The following SPOCK1 variants were observed in gnomAD, a reference collection of about 807,000 sequenced individuals.
SPOCK1 encodes SPARC (osteonectin), cwcv and kazal like domains proteoglycan 1, also known as testican-1.
SPOCK1 carries 23 observed loss-of-function variants against 55.3 expected under a neutral mutation model. The ratio of observed to expected loss-of-function variants is 0.42; its 90% CI spans 0.30 to 0.59. The LOEUF is 0.59. SPOCK1 is among the 20% of genes least tolerant of loss of function. SPOCK1 has a pLI of 0.22. For synonymous variants in SPOCK1, 226 were observed against 221.0 expected (o/e 1.02, Z -0.20); for missense variants, 499 against 552.5 (o/e 0.90, Z 0.97).
intron 6 of SPOCK1, among the ~76,000 whole-genome samples, chr5:137,033,891 C>G (rs1276257071): frequency 3.3e-5 from 5 of 152,232 alleles, no homozygotes; most frequent in Non-Finnish European, 7.3e-5. Context: ...GCATGAGCCA[C>G]TGCTCCCCAC....
chr5:137,487,840 A>C (rs948981969), intron 2 of SPOCK1, among the ~76,000 whole-genome samples: 1 of 152,212 alleles, frequency 6.6e-6, no homozygotes, highest in Non-Finnish European at 1.5e-5. Flanking sequence ...GCTGTTGCTG[A>C]GGCCTATGTT....
At chr5:137,338,166 C>T (rs9327786) in intron 2 of SPOCK1, among the ~76,000 whole-genome samples, 3,820 of 150,494 alleles carry the variant, frequency 0.025, 153 homozygotes, top group African/African-American at 0.088. Flanking sequence ...CTATCCCTTC[C>T]CCCACCCCCA....
chr5:137,433,224 C>A (rs1752786743), intron 2 of SPOCK1, among the ~76,000 whole-genome samples: 1 of 152,170 alleles, frequency 6.6e-6, no homozygotes, highest in Non-Finnish European at 1.5e-5. Context: ...ATTGCTGAAA[C>A]AGAAGGAGTG....
At chr5:137,434,054 A>C (rs1406348609) in intron 2 of SPOCK1, among the ~76,000 whole-genome samples, 2 of 152,232 alleles carry the variant, frequency 1.3e-5, no homozygotes, top group African/African-American at 4.8e-5. Context: ...GAAATCATGA[A>C]GCTTAATTAT....
At chr5:137,295,464 G>T (rs1013610115) in intron 2 of SPOCK1, among the ~76,000 whole-genome samples, 1 of 152,170 alleles carries the variant, frequency 6.6e-6, no homozygotes, top group South Asian at 2.1e-4. Flanking sequence ...CTGTTGGATC[G>T]AAGAGCTCAC....
intron 2 of SPOCK1, among the ~76,000 whole-genome samples, chr5:137,268,293 A>G (rs961125142): frequency 6.6e-6 from 1 of 152,216 alleles, no homozygotes; most frequent in African/African-American, 2.4e-5. Flanking sequence ...GCATTAGGAA[A>G]TAAACAGCTT....
In SPOCK1 at chr5:137,255,560, C is replaced by CA. The variant is rs139639010; in HGVS notation, c.232+11449dup. ...TTGGTGAATGAGGCAAAGACAAAAA[C>CA]AAAAAAAGACATATCGGGTTATCAT... On this transcript the variant is annotated intron_variant, in intron 3 of 10. Transcript: ENST00000394945. 9.7e-3 allele frequency among the ~76,000 whole-genome samples: 1,477 copies of CA among 151,774 alleles called. 20 individuals carry two copies. The highest frequency in any genetic ancestry group is 0.033 in the African/African-American group (1,384 of 41,414).
At chr5:137,434,856 A>C (rs971770045) in intron 2 of SPOCK1, among the ~76,000 whole-genome samples, 4 of 152,142 alleles carry the variant, frequency 2.6e-5, no homozygotes, top group Non-Finnish European at 5.9e-5. Context: ...AATTTGTATA[A>C]TTCCTGAAAT....
intron 4 of SPOCK1, among the ~76,000 whole-genome samples, chr5:137,129,380 C>T (rs1442380382): frequency 6.6e-6 from 1 of 152,186 alleles, no homozygotes; most frequent in Non-Finnish European, 1.5e-5. Flanking sequence ...AAAACCAATT[C>T]ACCAAGACTG....
chr5:137,211,191 C>G (rs1220861940), intron 3 of SPOCK1, among the ~76,000 whole-genome samples: 1 of 152,194 alleles, frequency 6.6e-6, no homozygotes, highest in African/African-American at 2.4e-5. Flanking sequence ...CACAGTCTAG[C>G]TCCTACTATC....
chr5:137,453,136 G>T (rs115566193), intron 2 of SPOCK1, among the ~76,000 whole-genome samples: 1 of 152,166 alleles, frequency 6.6e-6, no homozygotes, highest in Non-Finnish European at 1.5e-5. Context: ...TAGTAGGTTT[G>T]CTTAGAAAAA....
chr5:137,121,622 ATTATTCT>A (rs1753685511), intron 4 of SPOCK1, among the ~76,000 whole-genome samples: 1 of 146,932 alleles, frequency 6.8e-6, no homozygotes, highest in South Asian at 2.1e-4. Context: ...TACATAGAAC[ATTATTCT>A]TTATTACATA....
chr5:137,258,777 A>G (rs936171421), intron 3 of SPOCK1, among the ~76,000 whole-genome samples: 1 of 152,188 alleles, frequency 6.6e-6, no homozygotes, highest in Non-Finnish European at 1.5e-5. Context: ...AACCTCTTAA[A>G]CACAGTATTA....
rs546957843 is a variant in SPOCK1 at position 137,230,646 on chromosome 5, T to C, written c.232+36364A>G. 2.0e-3 allele frequency among the ~76,000 whole-genome samples: 301 copies of C among 152,344 alleles called. 1 individual carries two copies. Among genetic ancestry groups the C allele is most frequent in the African/African-American group, 6.9e-3 (287 of 41,578 alleles). Reference sequence around the variant, plus strand: ...CATTGTTTAGTCCTTTTCTATATCCTTTTCTGAAAATATTATAATAGGACC... The same window carrying C: ...CATTGTTTAGTCCTTTTCTATATCCCTTTCTGAAAATATTATAATAGGACC... On this transcript the variant is annotated intron_variant, in intron 3 of 10. Coordinates refer to ENST00000394945, the MANE Select transcript of SPOCK1 (RefSeq NM_004598.4).
chr5:137,399,127 A>G (rs1466987857), intron 2 of SPOCK1, among the ~76,000 whole-genome samples: 1 of 152,200 alleles, frequency 6.6e-6, no homozygotes, highest in Non-Finnish European at 1.5e-5. Context: ...TGAAAGTTCT[A>G]CTTTTCGAGT....
intron 2 of SPOCK1, among the ~76,000 whole-genome samples, chr5:137,293,276 G>A (rs1757409969): frequency 2.6e-5 from 4 of 152,088 alleles, no homozygotes; most frequent in African/African-American, 9.7e-5. Flanking sequence ...CTCCAGGGGA[G>A]TTCACAGAGC....
intron 2 of SPOCK1, among the ~76,000 whole-genome samples, chr5:137,491,521 A>T (rs1389537885): frequency 6.6e-6 from 1 of 152,140 alleles, no homozygotes; most frequent in African/African-American, 2.4e-5. Flanking sequence ...CCAACATTCA[A>T]TGAGCAGCTT....
At chr5:137,277,895 C>A (rs556581955) in intron 2 of SPOCK1, among the ~76,000 whole-genome samples, 117 of 152,276 alleles carry the variant, frequency 7.7e-4, no homozygotes, top group African/African-American at 2.6e-3. Flanking sequence ...GCACAGGAGT[C>A]TCCTGCCTTT....
chr5:137,370,854 G>A (rs1420752547), intron 2 of SPOCK1, among the ~76,000 whole-genome samples: 1 of 152,182 alleles, frequency 6.6e-6, no homozygotes, highest in Non-Finnish European at 1.5e-5. Context: ...CAGGGTCTTG[G>A]GAAAGCCTCT....
Sources: allele counts gnomAD v4.1 joint callset (sites outside exome capture counted in the v4.1 genomes callset), GRCh38; gene constraint gnomAD v4.1.1; transcripts MANE v1.5; gene names NCBI Gene and HGNC (gene_info 2026-07-23, HGNC 2026-07-21).